Variants in DLG2 observed in about 807,000 individuals in gnomAD.
DLG2 encodes discs large MAGUK scaffold protein 2.
A neutral mutation model predicts 132.5 loss-of-function variants in DLG2; 45 were observed. That is an observed-to-expected ratio of 0.34 (90% confidence interval 0.27 to 0.44). The LOEUF (loss-of-function observed/expected upper bound fraction) is 0.44. Among genes scored for constraint, DLG2 ranks in the 20% least tolerant of loss-of-function variants. DLG2 has a pLI of 1.00. For synonymous variants in DLG2, 424 were observed against 419.6 expected, an observed-to-expected ratio of 1.01 and a Z score of -0.13; for missense variants, 1,045 against 1,196.9, an observed-to-expected ratio of 0.87 and a Z score of 1.87.
intron 4 of DLG2, among the ~76,000 whole-genome samples, chr11:85,159,352 T>C (rs1421518656): frequency 1.3e-5 from 2 of 152,198 alleles, no homozygotes; most frequent in Admixed American, 6.5e-5. Context: ...AACCTCCACA[T>C]TGGCTCCATG....
In DLG2 at chr11:83,623,400, C is replaced by T. The variant is rs892902690; in HGVS notation, c.1940+9811G>A. Among the ~76,000 whole-genome samples the T allele has an allele frequency of 4.6e-5, 7 of 152,342 alleles. 1 individual carries two copies. Among genetic ancestry groups the T allele is most frequent in the South Asian group, 4.1e-4 (2 of 4,824 alleles). ...AGTTAAACTCTCTCCAATTTGGTGA[C>T]ATCTGTAATCCATTCATTTTAATTG... is the stretch of plus-strand genomic sequence containing the variant. On this transcript the variant is annotated intron_variant, in intron 19 of 27. Coordinates refer to ENST00000376104, the MANE Select transcript of DLG2 (RefSeq NM_001142699.3).
At chr11:85,486,589 C>T (rs1044931043) in intron 3 of DLG2, among the ~76,000 whole-genome samples, 1 of 152,206 alleles carries the variant, frequency 6.6e-6, no homozygotes. Context: ...GTCAGGCTGA[C>T]CCAACCTACT....
At chr11:83,844,792 A>T (rs2058312101) in intron 16 of DLG2, among the ~76,000 whole-genome samples, 1 of 152,060 alleles carries the variant, frequency 6.6e-6, no homozygotes, top group African/African-American at 2.4e-5. Context: ...TGGTAGGGGT[A>T]ACGTATGAGA....
chr11:83,532,381 T>TTTAA (rs1333938207), intron 21 of DLG2, among the ~76,000 whole-genome samples: 1 of 152,088 alleles, frequency 6.6e-6, no homozygotes, highest in Non-Finnish European at 1.5e-5. Context: ...AATCCATCAT[T>TTTAA]TTAGAACATT....
chr11:83,852,775 G>T (rs2059982965), intron 16 of DLG2, among the ~76,000 whole-genome samples: 1 of 152,118 alleles, frequency 6.6e-6, no homozygotes, highest in Admixed American at 6.5e-5. Flanking sequence ...ATAACAATTA[G>T]TTCAGCCCTG....
chr11:85,494,208 T>G (rs1371318087), intron 3 of DLG2, among the ~76,000 whole-genome samples: 1 of 152,226 alleles, frequency 6.6e-6, no homozygotes, highest in East Asian at 1.9e-4. Flanking sequence ...CACCATCACT[T>G]GAACCACAGC....
At chr11:85,351,485 T>C (rs945535033) in intron 3 of DLG2, among the ~76,000 whole-genome samples, 1 of 152,220 alleles carries the variant, frequency 6.6e-6, no homozygotes, top group East Asian at 1.9e-4. Context: ...TCTTGTCTTG[T>C]GCCAGTTTTC....
intron 5 of DLG2, among the ~76,000 whole-genome samples, chr11:85,122,972 T>TATATATA (rs58442462): frequency 9.4e-4 from 63 of 67,146 alleles, no homozygotes; most frequent in East Asian, 6.4e-3. Context: ...TATATATATT[T>TATATATA]TTTTTTTTTT....
intron 18 of DLG2, among the ~76,000 whole-genome samples, chr11:83,687,875 A>T (rs1014750873): frequency 3.3e-5 from 5 of 152,094 alleles, no homozygotes; most frequent in African/African-American, 4.8e-5. Flanking sequence ...GATGGCATAC[A>T]TCTGAAGTCC....
At chr11:83,862,126 G>A (rs912925723) in intron 16 of DLG2, among the ~76,000 whole-genome samples, 1 of 152,170 alleles carries the variant, frequency 6.6e-6, no homozygotes, top group African/African-American at 2.4e-5. Context: ...GTATATCAAA[G>A]ATATCTGTGC....
chr11:83,596,056 G>A (rs1013745712), intron 19 of DLG2, among the ~76,000 whole-genome samples: 10 of 152,040 alleles, frequency 6.6e-5, no homozygotes, highest in East Asian at 1.9e-4. Context: ...ACAGCACAGT[G>A]GACCTTATTT....
chr11:84,498,616 C>T (rs1339791741), intron 7 of DLG2, among the ~76,000 whole-genome samples: 1 of 152,016 alleles, frequency 6.6e-6, no homozygotes, highest in East Asian at 1.9e-4. Flanking sequence ...TTGGCTGAAA[C>T]AGCAAAGCAG....
At chr11:84,481,221 T>C (rs972403029) in intron 7 of DLG2, among the ~76,000 whole-genome samples, 1 of 152,188 alleles carries the variant, frequency 6.6e-6, no homozygotes, top group African/African-American at 2.4e-5. Flanking sequence ...GGTTTCTAGT[T>C]GTCTTTTTTT....
At chr11:84,518,700 C>A (rs1479406034) in intron 7 of DLG2, among the ~76,000 whole-genome samples, 2 of 152,066 alleles carry the variant, frequency 1.3e-5, no homozygotes, top group East Asian at 3.9e-4. Flanking sequence ...TTTTTCCCCC[C>A]AATTAAATCA....
At chr11:85,159,212 G>T (rs1369745898) in intron 4 of DLG2, among the ~76,000 whole-genome samples, 1 of 152,166 alleles carries the variant, frequency 6.6e-6, no homozygotes, top group East Asian at 1.9e-4. Context: ...TAAAGTAGGG[G>T]CTTATAGAGA....
chr11:84,627,164 C>G (rs539728890), intron 6 of DLG2, among the ~76,000 whole-genome samples: 90 of 152,136 alleles, frequency 5.9e-4, no homozygotes, highest in Non-Finnish European at 1.1e-3. Context: ...GCCACCACTC[C>G]CGGCCCAATT....
At chr11:84,009,161 G>A (rs1021264792) in intron 11 of DLG2, among the ~76,000 whole-genome samples, 2 of 151,614 alleles carry the variant, frequency 1.3e-5, no homozygotes, top group African/African-American at 2.4e-5. Flanking sequence ...TTCATGTATA[G>A]GACTAATAGT....
chr11:85,236,173 A>G (rs2075577085), intron 4 of DLG2, among the ~76,000 whole-genome samples: 1 of 152,044 alleles, frequency 6.6e-6, no homozygotes, highest in South Asian at 2.1e-4. Context: ...AAACTGTAGC[A>G]CAGAGAATTC....
At chr11:85,602,334 C>A (rs1395542503) in intron 2 of DLG2, among the ~76,000 whole-genome samples, 1 of 152,190 alleles carries the variant, frequency 6.6e-6, no homozygotes, top group Non-Finnish European at 1.5e-5. Flanking sequence ...TACATTACTG[C>A]AATGTTCTAC....
Sources: gnomAD v4.1 joint callset for allele counts (sites outside exome capture counted in the v4.1 genomes callset) on GRCh38, gnomAD v4.1.1 for gene constraint, MANE v1.5 for transcripts, NCBI Gene and HGNC (gene_info 2026-07-23, HGNC 2026-07-21) for gene names.